PCDHA3: variants seen among roughly 807,000 people sequenced by gnomAD.
PCDHA3 encodes protocadherin alpha 3.
In PCDHA3, 41 loss-of-function variants were observed where a neutral mutation model predicts 62.2. The observed-to-expected ratio is 0.66, with a 90% CI of 0.51 to 0.86. PCDHA3 has a LOEUF of 0.86. PCDHA3 is among the 40% of genes least tolerant of loss of function. The probability of loss-of-function intolerance (pLI) is 0.00; values close to 1 mark genes in which losing one functional copy is unlikely to be tolerated. For missense variants in PCDHA3, 1,304 were observed against 1,241.2 expected (o/e 1.05, Z -0.76); for synonymous variants, 640 against 555.4 (o/e 1.15, Z -2.14).
intron 3 of PCDHA3, among the ~76,000 whole-genome samples, chr5:140,986,380 G>T (rs1554247980): frequency 6.6e-6 from 1 of 152,130 alleles, no homozygotes; most frequent in African/African-American, 2.4e-5. Flanking sequence ...TGGGGGGAGG[G>T]ACATTAAAGG....
chr5:140,936,326 A>G (rs2090913771), intron 1 of PCDHA3, among the ~76,000 whole-genome samples: 1 of 152,138 alleles, frequency 6.6e-6, no homozygotes, highest in South Asian at 2.1e-4. Flanking sequence ...CATGCTATAA[A>G]TTTTCTCTAT....
At chr5:140,895,485 C>A (rs2065029754) in intron 1 of PCDHA3, among the ~76,000 whole-genome samples, 1 of 152,114 alleles carries the variant, frequency 6.6e-6, no homozygotes, top group African/African-American at 2.4e-5. Flanking sequence ...GGAGAAATAC[C>A]TATTCAGAAC....
intron 1 of PCDHA3, chr5:140,877,179 G>T (rs1554169418): frequency 1.2e-6 from 2 of 1,613,830 alleles, no homozygotes. Flanking sequence ...TGGCGACTCC[G>T]GCTGGCAGCG....
At chr5:140,967,189 C>T (rs1554229286) in intron 1 of PCDHA3, 2 of 1,613,522 alleles carry the variant, frequency 1.2e-6, no homozygotes, top group Admixed American at 1.7e-5. Flanking sequence ...TATTGGACAT[C>T]AACGACAACT....
intron 2 of PCDHA3, among the ~76,000 whole-genome samples, chr5:140,981,515 A>C (rs1554242933): frequency 1.3e-5 from 2 of 152,230 alleles, no homozygotes. Context: ...CAGAGGTTGC[A>C]GTGAGCTGAG....
rs191667063 is a variant in PCDHA3 at position 140,957,933 on chromosome 5, T to G, written c.2395-21016T>G. Among the ~76,000 whole-genome samples the G allele has an allele frequency of 2.8e-3, 419 of 152,208 alleles. 2 individuals carry two copies. The highest frequency in any genetic ancestry group is 0.014 in the Middle Eastern group (4 of 294). ...GTTATCTATGTATCAAGCTAAATAA[T>G]TTAAAGATCTTTAAGACTATTAATT... is the stretch of plus-strand genomic sequence containing the variant. On this transcript the variant is annotated intron_variant, in intron 1 of 3. Transcript: ENST00000522353.
intron 1 of PCDHA3, among the ~76,000 whole-genome samples, chr5:140,902,554 A>AT (rs1414683182): frequency 6.6e-6 from 1 of 151,896 alleles, no homozygotes; most frequent in East Asian, 1.9e-4. Context: ...CTATACCCAG[A>AT]TTTTTGAGGG....
rs1047587407 is a variant in PCDHA3 at position 140,847,610 on chromosome 5, C to G, written c.2394+44019C>G. 4.0e-5 allele frequency: 6 copies of G among 149,370 alleles called. 1 individual carries two copies. The highest frequency in any genetic ancestry group is 1.5e-4 in the African/African-American group (6 of 40,758). 9.3% of individuals were successfully genotyped at this position (149,370 alleles called of 1,614,324 possible). On this transcript the variant is annotated intron_variant, in intron 1 of 3. Coordinates refer to ENST00000522353, the MANE Select transcript of PCDHA3 (RefSeq NM_018906.3). ...ATGAAATTAAAACATATTGTAATAACATTACACAAACTATATTGGAGACTA... is the reference window on the plus strand; with the variant it reads ...ATGAAATTAAAACATATTGTAATAAGATTACACAAACTATATTGGAGACTA...
At chr5:140,980,279 AAAAGTACC>A (rs1554241598) in intron 2 of PCDHA3, among the ~76,000 whole-genome samples, 2 of 152,236 alleles carry the variant, frequency 1.3e-5, no homozygotes, top group African/African-American at 4.8e-5. Flanking sequence ...CCAACTCTTG[AAAAGTACC>A]AAAGCTATGA....
chr5:140,828,171 G>A, intron 1 of PCDHA3: 1 of 1,614,150 alleles, frequency 6.2e-7, no homozygotes, highest in Non-Finnish European at 8.5e-7. Context: ...TGGAAGGTGG[G>A]GAGCGGCCAG....
In PCDHA3 at chr5:140,818,435, G is replaced by A. The variant is rs2150101216; in HGVS notation, c.2394+14844G>A. ...TTTTTAAAAATATATTTCTAACTTG[G>A]GTACTGGCTAATGTCAAAAGAAACT... On this transcript the variant is annotated intron_variant, in intron 1 of 3. Coordinates refer to ENST00000522353, the MANE Select transcript of PCDHA3 (RefSeq NM_018906.3). Among the ~76,000 whole-genome samples the A allele has an allele frequency of 4.6e-5, 7 of 152,126 alleles. No homozygotes were observed. In the South Asian group the frequency reaches 1.5e-3, roughly 32 times the overall value.
chr5:140,942,629 A>C (rs1401408646), intron 1 of PCDHA3, among the ~76,000 whole-genome samples: 1 of 152,076 alleles, frequency 6.6e-6, no homozygotes, highest in Non-Finnish European at 1.5e-5. Flanking sequence ...TAAAAAAAAA[A>C]ATGGCAAAAG....
At chr5:140,859,929 A>C (rs568538695) in intron 1 of PCDHA3, 3 of 152,046 alleles carry the variant, frequency 2.0e-5, no homozygotes, top group African/African-American at 7.2e-5. Context: ...TAATATAAAA[A>C]ACTTAGTAAA....
intron 1 of PCDHA3, chr5:140,823,910 T>C: frequency 6.2e-7 from 1 of 1,613,972 alleles, no homozygotes. Flanking sequence ...CTGCTGGTGC[T>C]CACGCTGCTG....
Position 140,913,960 on chromosome 5 carries a change from T to TA in PCDHA3, c.2395-64982dup, listed in dbSNP as rs201352444. 7.9e-3 allele frequency among the ~76,000 whole-genome samples: 1,207 copies of TA among 152,282 alleles called. 5 individuals are homozygous for TA. Among genetic ancestry groups the TA allele is most frequent in the African/African-American group, 0.019 (780 of 41,560 alleles). ...AAGAATCTTGATATGATATCATTTT[T>TA]AAAAAAATATTTTAGGACTTGTATT... On this transcript the variant is annotated intron_variant, in intron 1 of 3. Transcript: ENST00000522353.
chr5:140,828,485 T>A (rs2150155911), intron 1 of PCDHA3: 2 of 1,614,056 alleles, frequency 1.2e-6, no homozygotes, highest in Admixed American at 3.3e-5. Context: ...CAACCCGCCC[T>A]TGTTCCCGGT....
intron 1 of PCDHA3, among the ~76,000 whole-genome samples, chr5:140,855,586 G>A (rs2043525650): frequency 1.3e-5 from 2 of 149,676 alleles, no homozygotes; most frequent in Admixed American, 1.3e-4. Context: ...TAAAATATTA[G>A]TATACTCAGT....
chr5:140,896,735 T>C (rs930657295), intron 1 of PCDHA3, among the ~76,000 whole-genome samples: 8 of 152,166 alleles, frequency 5.3e-5, no homozygotes, highest in Non-Finnish European at 4.4e-5. Context: ...TTTAAGTTCC[T>C]TATAGATTCT....
Position 140,875,657 on chromosome 5 carries a change from G to T in PCDHA3, c.2394+72066G>T, listed in dbSNP as rs1241102848. 6 of 1,613,738 alleles carry T rather than the reference G, an allele frequency of 3.7e-6. No homozygotes were observed. The East Asian group carries it at 1.1e-4, about 30-fold the overall frequency. Reference sequence around the variant, plus strand: ...CTGGAGCTGGCGGAGCTGGTGCCGCGCCTGTTCCGGGTGGCGTCCAAAAGA... The same window carrying T: ...CTGGAGCTGGCGGAGCTGGTGCCGCTCCTGTTCCGGGTGGCGTCCAAAAGA... On this transcript the variant is annotated intron_variant, in intron 1 of 3. Coordinates refer to ENST00000522353, the MANE Select transcript of PCDHA3 (RefSeq NM_018906.3).
Sources: allele counts gnomAD v4.1 joint callset (sites outside exome capture counted in the v4.1 genomes callset), GRCh38; gene constraint gnomAD v4.1.1; transcripts MANE v1.5; gene names NCBI Gene and HGNC (gene_info 2026-07-23, HGNC 2026-07-21).